Variants in RWDD3 observed in about 807,000 individuals in gnomAD.
RWDD3 encodes RWD domain-containing protein 3.
In RWDD3, 30 loss-of-function variants were observed where a neutral mutation model predicts 26.5. That is an observed-to-expected ratio of 1.13 (90% CI 0.85 to 1.54). The LOEUF (loss-of-function observed/expected upper bound fraction) is 1.54. Among genes scored for constraint, RWDD3 ranks in the 40% most tolerant of loss-of-function variants. RWDD3 has a pLI of 0.00. For missense variants in RWDD3, 296 were observed against 309.1 expected (o/e 0.96, Z 0.32); for synonymous variants, 113 against 114.5 (o/e 0.99, Z 0.09).
chr1:95,234,248 G>A lies in RWDD3; in HGVS notation c.18G>A (p.Gln6=). The change falls in exon 1 of 4, where the codon CAG becomes CAA. Residue 6 remains glutamine, a synonymous_variant. Transcript: ENST00000370202. MAEPV[Q]EELSVLAAIF... ...CCACAGCCATGGCGGAGCCTGTGCA[G>A]GAGGAGCTCTCGGTCCTGGCCGCGA... 1 of 1,594,662 alleles carries A rather than the reference G, an allele frequency of 6.3e-7. No individual in the cohort carries two copies. Among genetic ancestry groups the A allele is most frequent in the Non-Finnish European group, 8.5e-7 (1 of 1,171,202 alleles).
Position 95,246,914 on chromosome 1 carries a change from T to C in RWDD3, c.*44T>C. 8.0e-7 allele frequency: 1 copy of C among 1,243,762 alleles called. No individual in the cohort carries two copies. The highest frequency in any genetic ancestry group is 1.1e-6 in the Non-Finnish European group (1 of 910,098). 77.0% of individuals were successfully genotyped at this position (1,243,762 alleles called of 1,614,324 possible). On this transcript the variant is annotated 3_prime_UTR_variant, in exon 4 of 4. Transcript: ENST00000370202. ...TTTAGTAAAATAGCAGTGTTTTTTGTTGTTTTTGCATTGGATTTGGGGAGT... is the reference window on the plus strand; with the variant it reads ...TTTAGTAAAATAGCAGTGTTTTTTGCTGTTTTTGCATTGGATTTGGGGAGT...
Position 95,246,821 on chromosome 1 carries a change from C to T in RWDD3, c.755C>T (p.Ala252Val). 6.4e-7 allele frequency: 1 copy of T among 1,563,142 alleles called. No individual in the cohort carries two copies. The highest frequency in any genetic ancestry group is 8.6e-7 in the Non-Finnish European group (1 of 1,159,070). The change falls in exon 4 of 4, where the codon GCA becomes GTA. Residue 252 changes from alanine to valine, a missense_variant. Physicochemically the swap from Ala to Val is moderately conservative, Grantham distance 64 (BLOSUM62 0). Transcript: ENST00000370202. Reference sequence around the variant, plus strand: ...GAATTACAAAAGGAATTTGAAACTGCAGGACTTAAGAAGCTTTTCTCCGAA... The same window carrying T: ...GAATTACAAAAGGAATTTGAAACTGTAGGACTTAAGAAGCTTTTCTCCGAA... ...LDELQKEFET[A>V]GLKKLFSEFV...
At chr1:95,238,454 T>C (rs1363213657) in intron 1 of RWDD3, among the ~76,000 whole-genome samples, 2 of 151,922 alleles carry the variant, frequency 1.3e-5, no homozygotes, top group Admixed American at 6.6e-5. Flanking sequence ...TTGAAACTTA[T>C]GTAAAAATCC....
At chr1:95,235,005 C>G (rs1680245236) in intron 1 of RWDD3, among the ~76,000 whole-genome samples, 12 of 151,600 alleles carry the variant, frequency 7.9e-5, no homozygotes, top group Admixed American at 7.9e-4. Flanking sequence ...GGATCACAGG[C>G]GCGTGCCACC....
At chr1:95,234,651 A>T (rs1207997233) in intron 1 of RWDD3, among the ~76,000 whole-genome samples, 1 of 136,442 alleles carries the variant, frequency 7.3e-6, no homozygotes, top group Non-Finnish European at 1.5e-5. Flanking sequence ...GCCTGTGCTG[A>T]CGCCCCCTCG....
rs763861733 is a variant in RWDD3 at position 95,246,646 on chromosome 1, A to G, written c.678A>G (p.Thr226=). ...ISVLFETKVQ[T]EHKRFLAFEV... The stretch of plus-strand genomic sequence containing the variant: ...TACTGTTTGAAACAAAAGTACAGAC[A>G]GAACACAAAAGGTATAATTTAGTAC... The change falls in exon 3 of 4, where the codon ACA becomes ACG. Residue 226 remains threonine (T), a synonymous_variant. Transcript: ENST00000370202. 1.2e-6 allele frequency: 2 copies of G among 1,603,542 alleles called. No individual in the cohort carries two copies. Among genetic ancestry groups the G allele is most frequent in the Non-Finnish European group, 1.7e-6 (2 of 1,172,178 alleles).
chr1:95,245,520 A>G (rs931625293), intron 2 of RWDD3, among the ~76,000 whole-genome samples: 1 of 152,226 alleles, frequency 6.6e-6, no homozygotes, highest in African/African-American at 2.4e-5. Context: ...AAAGATTTGT[A>G]GAATAATGAC....
intron 1 of RWDD3, among the ~76,000 whole-genome samples, chr1:95,238,595 C>G (rs10874908): frequency 0.82 from 124,369 of 151,106 alleles, 51,601 homozygotes; most frequent in South Asian, 0.94. Context: ...AAAGTTGTAT[C>G]TTGAGGATAT....
chr1:95,238,052 G>A (rs527597814), intron 1 of RWDD3, among the ~76,000 whole-genome samples: 3 of 152,276 alleles, frequency 2.0e-5, no homozygotes, highest in African/African-American at 7.2e-5. Flanking sequence ...TATGAGAGGC[G>A]TGAGATTGGT....
At chr1:95,246,700 A>G (rs1346585346) in intron 3 of RWDD3, 43 bp downstream of exon 3, 6 of 1,542,080 alleles carry the variant, frequency 3.9e-6, no homozygotes, top group Non-Finnish European at 4.4e-6. Context: ...AACTGAATCG[A>G]TAATTATACT....
chr1:95,245,241 A>T lies in RWDD3; in HGVS notation c.573+543A>T, dbSNP rs74853228. On this transcript the variant is annotated intron_variant, in intron 2 of 3. Transcript: ENST00000370202. ...TAGGGCTGTCAACTTGTCACCTCCT[A>T]CCTAACTTTTGCTTTCCACCTGACT... Among the ~76,000 whole-genome samples, 227 of 152,250 alleles carry T rather than the reference A, an allele frequency of 1.5e-3. 2 individuals are homozygous for T. The highest frequency in any genetic ancestry group is 5.0e-3 in the Admixed American group (76 of 15,290).
At chr1:95,242,361 T>A (rs1287700656) in intron 1 of RWDD3, among the ~76,000 whole-genome samples, 1 of 152,222 alleles carries the variant, frequency 6.6e-6, no homozygotes, top group Non-Finnish European at 1.5e-5. Flanking sequence ...CCTGTCATTT[T>A]CCCTCAGAGA....
intron 1 of RWDD3, among the ~76,000 whole-genome samples, chr1:95,240,561 G>A (rs1680572546): frequency 6.6e-6 from 1 of 152,128 alleles, no homozygotes; most frequent in South Asian, 2.1e-4. Flanking sequence ...GCAGAGATGG[G>A]ACACCCAAGA....
intron 1 of RWDD3, among the ~76,000 whole-genome samples, chr1:95,234,692 C>T (rs745360248): frequency 1.3e-5 from 2 of 151,882 alleles, no homozygotes; most frequent in African/African-American, 2.4e-5. Flanking sequence ...GCACTATGCC[C>T]TAGGCCCCCC....
chr1:95,238,380 C>T (rs536149555), intron 1 of RWDD3, among the ~76,000 whole-genome samples: 177 of 151,834 alleles, frequency 1.2e-3, no homozygotes, highest in Middle Eastern at 6.8e-3. Context: ...TCTATAAAAC[C>T]GATGAGATTG....
rs1014030217 is a variant in RWDD3 at position 95,234,247 on chromosome 1, A to T, written c.17A>T (p.Gln6Leu). 6.3e-7 allele frequency: 1 copy of T among 1,594,082 alleles called. No homozygotes were observed. Reference sequence around the variant, plus strand: ...CCCACAGCCATGGCGGAGCCTGTGCAGGAGGAGCTCTCGGTCCTGGCCGCG... The same window carrying T: ...CCCACAGCCATGGCGGAGCCTGTGCTGGAGGAGCTCTCGGTCCTGGCCGCG... MAEPVQEELSVLAAIF... is the reference protein window; with the variant it reads MAEPVLEELSVLAAIF... The change falls in exon 1 of 4, where the codon CAG becomes CTG. Residue 6 changes from glutamine to leucine, a missense_variant. Coordinates refer to ENST00000370202, the MANE Select transcript of RWDD3 (RefSeq NM_015485.5).
rs139316123 is a variant in RWDD3 at position 95,240,110 on chromosome 1, T to C, written c.86-4101T>C. The stretch of plus-strand genomic sequence containing the variant: ...TCACCTGGGTAATCCAGGATAATAC[T>C]CCCCTCTCGAAATCGTTAACTTAAT... On this transcript the variant is annotated intron_variant, in intron 1 of 3. Transcript: ENST00000370202. Among the ~76,000 whole-genome samples the C allele has an allele frequency of 3.5e-4, 53 of 152,230 alleles. 1 individual carries two copies. In the East Asian group the frequency reaches 0.01, roughly 29 times the overall value.
Position 95,239,730 on chromosome 1 carries a change from G to A in RWDD3, c.86-4481G>A, listed in dbSNP as rs1459628727. On this transcript the variant is annotated intron_variant, in intron 1 of 3. Coordinates refer to ENST00000370202, the MANE Select transcript of RWDD3 (RefSeq NM_015485.5). ...TAGTATGACGGTCACAGTTTTCTAA[G>A]GTGAAAGTCAGGAGTTTCACCCATT... 7 of 1,218,930 alleles carry A rather than the reference G, an allele frequency of 5.7e-6. No homozygotes were observed. The East Asian group carries it at 1.7e-4, about 30-fold the overall frequency. The allele number at this position is 1,218,930 out of a possible 1,614,324, so 75.5% of individuals were successfully genotyped here.
rs1464992824 is a variant in RWDD3, at chr1:95,247,114, G to A, written c.*244G>A. 7.6e-6 allele frequency: 2 copies of A among 263,076 alleles called. No homozygotes were observed. The highest frequency in any genetic ancestry group is 4.4e-5 in the African/African-American group (2 of 45,310). The allele number at this position is 263,076 out of a possible 1,614,324, so 16.3% of individuals were successfully genotyped here. A position where few individuals can be genotyped will look rare whatever the true frequency, so the allele number is the denominator to read the frequency against. On this transcript the variant is annotated 3_prime_UTR_variant, in exon 4 of 4. Coordinates refer to ENST00000370202, the MANE Select transcript of RWDD3 (RefSeq NM_015485.5). ...TCAGTAGATGAGACATTATTTAAAA[G>A]ATAAATTTAAAAAGATGGTAAATGA...
Sources: allele counts gnomAD v4.1 joint callset (sites outside exome capture counted in the v4.1 genomes callset), GRCh38; gene constraint gnomAD v4.1.1; transcripts MANE v1.5; gene names NCBI Gene and HGNC (gene_info 2026-07-23, HGNC 2026-07-21).